The following IL4R variants were observed in gnomAD, a reference collection of about 807,000 sequenced individuals.
IL4R encodes the protein interleukin 4 receptor.
Under a neutral mutation model 41.5 loss-of-function variants are expected in IL4R, and 17 were observed. The ratio of observed to expected loss-of-function variants is 0.41; its 90% CI spans 0.28 to 0.61. IL4R has a LOEUF of 0.61. Among genes scored for constraint, IL4R ranks in the 20% least tolerant of loss-of-function variants. The pLI is 0.31. For synonymous variants in IL4R, 402 were observed against 422.9 expected (o/e 0.95, Z 0.61); for missense variants, 974 against 1,043.1 (o/e 0.93, Z 0.91).
chr16:27,324,399 C>A (rs1305185338), intron 1 of IL4R, among the ~76,000 whole-genome samples: 1 of 152,134 alleles, frequency 6.6e-6, no homozygotes. Flanking sequence ...CTGCTCACAG[C>A]CAGGGGAATT....
chr16:27,362,932 A>C lies in IL4R; in HGVS notation c.1580A>C (p.Glu527Ala), dbSNP rs1390395879. The C allele has an allele frequency of 6.2e-7, 1 of 1,614,150 alleles. No individual in the cohort carries two copies. Among genetic ancestry groups the C allele is most frequent in the Non-Finnish European group, 8.5e-7 (1 of 1,180,038 alleles). ...PLLARHLEEV[E>A]PEMPCVPQLS... ...CTGGCCAGACACCTGGAGGAAGTAG[A>C]ACCCGAGATGCCCTGTGTCCCCCAG... The change falls in exon 11 of 11, where the codon GAA becomes GCA. Residue 527 changes from glutamate (E) to alanine (A), a missense_variant. Physicochemically the swap from Glu to Ala is moderately radical, Grantham distance 107. Around this residue, in one of 3 missense-constraint regions of IL4R, gnomAD observed 682 missense variants for 704.3 expected, o/e 0.97. Transcript: ENST00000395762.
Position 27,321,290 on chromosome 16 carries a change from T to G in IL4R, c.-152+7270T>G, listed in dbSNP as rs149027361. On this transcript the variant is annotated intron_variant, in intron 1 of 10. Coordinates refer to ENST00000395762, the MANE Select transcript of IL4R (RefSeq NM_000418.4). ...TCCACTTTCTGAGTCTGTTTCTGCC[T>G]CTTGGAGGTAGTGACCATCTCCCTC... Among the ~76,000 whole-genome samples the G allele has an allele frequency of 6.8e-3, 1,037 of 152,260 alleles. 8 individuals are homozygous for G. The highest frequency in any genetic ancestry group is 0.024 in the African/African-American group (1,002 of 41,544).
chr16:27,347,449 C>G (rs1167700702), intron 6 of IL4R, among the ~76,000 whole-genome samples: 1 of 152,176 alleles, frequency 6.6e-6, no homozygotes, highest in Non-Finnish European at 1.5e-5. Context: ...CCTTGGCCTC[C>G]CAAAGTGCTG....
intron 6 of IL4R, among the ~76,000 whole-genome samples, chr16:27,347,279 C>A (rs1355619137): frequency 6.6e-6 from 1 of 152,192 alleles, no homozygotes; most frequent in Non-Finnish European, 1.5e-5. Context: ...CAACCTCCGC[C>A]TCCTGGGTTC....
At chr16:27,325,071 C>CA (rs1240402258) in intron 1 of IL4R, among the ~76,000 whole-genome samples, 2 of 152,190 alleles carry the variant, frequency 1.3e-5, no homozygotes, top group Non-Finnish European at 2.9e-5. Context: ...GCCCTAGAGA[C>CA]AGAGTTTGAG....
At position 27,358,954 on chromosome 16, in the gene IL4R, C is replaced by G. The variant is rs775147602; in HGVS notation, c.809C>G (p.Ala270Gly). 4 of 1,614,002 alleles carry G rather than the reference C, an allele frequency of 2.5e-6. No homozygotes were observed. Among genetic ancestry groups the G allele is most frequent in the Non-Finnish European group, 3.4e-6 (4 of 1,179,886 alleles). Residue 270 changes from alanine to glycine, a missense_variant, in exon 9 of 11, where the codon GCC becomes GGC. Transcript: ENST00000395762. ...KEWWDQIPNP[A>G]RSRLVAIIIQ... The stretch of plus-strand genomic sequence containing the variant: ...TGGTGGGATCAGATTCCCAACCCAG[C>G]CCGCAGCCGCCTCGTGGCTATAATA...
At chr16:27,314,048 G>C (rs2084548566) in intron 1 of IL4R, 28 bp downstream of exon 1, 17 of 985,048 alleles carry the variant, frequency 1.7e-5, no homozygotes, top group Non-Finnish European at 2.0e-5. Context: ...CGCGCGGATC[G>C]GGTTGCGAAG....
intron 6 of IL4R, among the ~76,000 whole-genome samples, chr16:27,347,339 T>A (rs768045812): frequency 1.3e-4 from 20 of 152,108 alleles, no homozygotes; most frequent in Non-Finnish European, 2.8e-4. Flanking sequence ...TACAGGCACC[T>A]GCCACCGTGC....
Position 27,313,993 on chromosome 16 carries a change from G to A in IL4R, c.-179G>A. 1.0e-6 allele frequency: 1 copy of A among 984,950 alleles called. No individual in the cohort carries two copies. The highest frequency in any genetic ancestry group is 1.2e-6 in the Non-Finnish European group (1 of 829,774). 61.0% of individuals were successfully genotyped at this position (984,950 alleles called of 1,614,324 possible). A position where few individuals can be genotyped will look rare whatever the true frequency, so the allele number is the denominator to read the frequency against. ...TCCCCCACTTCCCGCTTGGGCGCCC[G>A]GACGGCGAATGGAGCAGGGGCGCGC... On this transcript the variant is annotated 5_prime_UTR_variant, in exon 1 of 11. Coordinates refer to ENST00000395762, the MANE Select transcript of IL4R (RefSeq NM_000418.4).
At chr16:27,355,241 A>G (rs3024634) in intron 7 of IL4R, 51,709 of 284,568 alleles carry the variant, frequency 0.18, 7,594 homozygotes, top group African/African-American at 0.49. Flanking sequence ...AGCGATGGGC[A>G]GGGGGCAACG....
chr16:27,316,851 C>A (rs116482115), intron 1 of IL4R, among the ~76,000 whole-genome samples: 2,152 of 151,820 alleles, frequency 0.014, 65 homozygotes, highest in African/African-American at 0.049. Context: ...ATATGTCAAG[C>A]ATACAAAACA....
intron 4 of IL4R, among the ~76,000 whole-genome samples, chr16:27,343,092 C>T (rs2085495972): frequency 6.6e-6 from 1 of 152,152 alleles, no homozygotes; most frequent in Admixed American, 6.5e-5. Context: ...CAGGTGGTTC[C>T]CTGGGCTACT....
intron 1 of IL4R, among the ~76,000 whole-genome samples, chr16:27,328,654 C>T (rs1026129226): frequency 6.6e-6 from 1 of 152,172 alleles, no homozygotes; most frequent in Non-Finnish European, 1.5e-5. Context: ...GCACAGCAGA[C>T]ATAAAGCTCT....
At chr16:27,324,798 G>A (rs770764288) in intron 1 of IL4R, among the ~76,000 whole-genome samples, 10 of 152,116 alleles carry the variant, frequency 6.6e-5, no homozygotes, top group Non-Finnish European at 1.3e-4. Flanking sequence ...TCCACAGTGC[G>A]CCGGAGCGCG....
chr16:27,357,389 C>T (rs1201553159), intron 8 of IL4R, among the ~76,000 whole-genome samples: 4 of 152,182 alleles, frequency 2.6e-5, no homozygotes, highest in African/African-American at 9.7e-5. Context: ...AAGAGATCCT[C>T]CCATTTCAAC....
chr16:27,334,771 A>C (rs1168796992), intron 2 of IL4R, among the ~76,000 whole-genome samples: 1 of 152,082 alleles, frequency 6.6e-6, no homozygotes, highest in Non-Finnish European at 1.5e-5. Flanking sequence ...AACTCTCAGC[A>C]AGGAAGACGA....
intron 6 of IL4R, among the ~76,000 whole-genome samples, chr16:27,352,187 T>C (rs892621094): frequency 6.6e-6 from 1 of 152,188 alleles, no homozygotes; most frequent in Non-Finnish European, 1.5e-5. Context: ...GATGAGGACA[T>C]TGAGGTCCAG....
chr16:27,355,712 G>A, intron 7 of IL4R, 96 bp from the exon 8 acceptor site: 1 of 795,060 alleles, frequency 1.3e-6, no homozygotes, highest in Non-Finnish European at 2.1e-6. Context: ...GAGGGTCTCG[G>A]ACGAGGGTCC....
At chr16:27,320,525 G>C (rs1243852287) in intron 1 of IL4R, among the ~76,000 whole-genome samples, 1 of 152,142 alleles carries the variant, frequency 6.6e-6, no homozygotes, top group African/African-American at 2.4e-5. Flanking sequence ...ACTTACCTGG[G>C]TGACACGGCT....
Sources: allele counts gnomAD v4.1 joint callset (sites outside exome capture counted in the v4.1 genomes callset), GRCh38; gene constraint gnomAD v4.1.1; regional missense constraint gnomAD v4.1.1; transcripts MANE v1.5; gene names NCBI Gene and HGNC (gene_info 2026-07-23, HGNC 2026-07-21).